Variants in IRAK2 observed in about 807,000 individuals in gnomAD.
IRAK2 encodes the protein interleukin 1 receptor associated kinase 2.
A neutral mutation model predicts 72.0 loss-of-function variants in IRAK2; 57 were observed. The ratio of observed to expected loss-of-function variants is 0.79; its 90% CI spans 0.64 to 0.99. IRAK2 has a LOEUF of 0.99. Ranked by LOEUF, IRAK2 falls within the 50% of genes least tolerant of loss-of-function variation. The probability of loss-of-function intolerance (pLI) is 0.00; values close to 1 mark genes in which losing one functional copy is unlikely to be tolerated. For synonymous variants in IRAK2, 293 were observed against 312.7 expected, an observed-to-expected ratio of 0.94 and a Z score of 0.67; for missense variants, 790 against 794.4, an observed-to-expected ratio of 0.99 and a Z score of 0.07.
chr3:10,232,978 C>G (rs755951166), intron 10 of IRAK2, among the ~76,000 whole-genome samples: 1 of 152,060 alleles, frequency 6.6e-6, no homozygotes, highest in Non-Finnish European at 1.5e-5. Flanking sequence ...GTGGGAGGAT[C>G]GATTGAATCG....
chr3:10,183,047 C>T (rs1696985755), intron 2 of IRAK2, among the ~76,000 whole-genome samples: 1 of 152,176 alleles, frequency 6.6e-6, no homozygotes, highest in Admixed American at 6.5e-5. Flanking sequence ...GCCAGGATTA[C>T]AGCCGTGAGC....
intron 3 of IRAK2, among the ~76,000 whole-genome samples, chr3:10,205,970 G>A (rs1257970519): frequency 6.6e-6 from 1 of 152,196 alleles, no homozygotes; most frequent in East Asian, 1.9e-4. Context: ...TGCAGGACGG[G>A]GGCCCTGTGC....
chr3:10,238,790 C>T lies in IRAK2; in HGVS notation c.1516C>T (p.Arg506Trp), dbSNP rs200515841. ...VAAVEERLRG[R>W]ETLLPWSGLS... is the part of the protein sequence containing the mutation. Reference sequence around the variant, plus strand: ...TGCTGTGGAAGAGCGGCTCCGAGGTCGGGAGACGTTGCTCCCTTGGAGTGG... The same window carrying T: ...TGCTGTGGAAGAGCGGCTCCGAGGTTGGGAGACGTTGCTCCCTTGGAGTGG... The change falls in exon 12 of 13, where the codon CGG (arginine) becomes TGG (tryptophan). Residue 506 changes from arginine to tryptophan, a missense_variant. Transcript: ENST00000256458. 2.0e-5 allele frequency: 33 copies of T among 1,613,898 alleles called. No individual in the cohort carries two copies. Among genetic ancestry groups the T allele is most frequent in the East Asian group, 1.6e-4 (7 of 44,866 alleles).
intron 2 of IRAK2, among the ~76,000 whole-genome samples, chr3:10,199,067 A>C (rs1288467204): frequency 6.6e-6 from 1 of 152,128 alleles, no homozygotes; most frequent in Non-Finnish European, 1.5e-5. Flanking sequence ...AAAGGCTTCA[A>C]GCAGGGAAGT....
chr3:10,172,903 ACTC>A, intron 1 of IRAK2, among the ~76,000 whole-genome samples: 1 of 149,450 alleles, frequency 6.7e-6, no homozygotes, highest in Non-Finnish European at 1.5e-5. Flanking sequence ...CTGGTCTCAA[ACTC>A]CTGACCTCGT....
At chr3:10,204,865 C>T (rs1476687808) in intron 3 of IRAK2, among the ~76,000 whole-genome samples, 1 of 152,062 alleles carries the variant, frequency 6.6e-6, no homozygotes, top group Non-Finnish European at 1.5e-5. Flanking sequence ...TTGATCTGAC[C>T]TCTGATTAGC....
intron 3 of IRAK2, among the ~76,000 whole-genome samples, chr3:10,207,485 T>C (rs1057514228): frequency 6.6e-6 from 1 of 152,202 alleles, no homozygotes; most frequent in Admixed American, 6.5e-5. Flanking sequence ...GGCCTGCTTC[T>C]GTGCGGACCA....
Position 10,213,388 on chromosome 3 carries a change from A to G in IRAK2, c.710A>G (p.Lys237Arg). The change falls in exon 5 of 13, where the codon AAG becomes AGG. Residue 237 changes from lysine (K) to arginine (R), a missense_variant. By Grantham distance (26) the Lys-to-Arg change is conservative. Coordinates refer to ENST00000256458, the MANE Select transcript of IRAK2 (RefSeq NM_001570.4). ...GHRHGKPFVF[K>R]KLRETACSSP... Reference sequence around the variant, plus strand: ...AGGCACGGGAAGCCATTCGTCTTCAAGAAGCTCAGAGAGGTGAGCACTTCT... The same window carrying G: ...AGGCACGGGAAGCCATTCGTCTTCAGGAAGCTCAGAGAGGTGAGCACTTCT... 1 of 1,614,120 alleles carries G rather than the reference A, an allele frequency of 6.2e-7. No homozygotes were observed. Among genetic ancestry groups the G allele is most frequent in the Non-Finnish European group, 8.5e-7 (1 of 1,180,016 alleles).
At chr3:10,240,884 C>T (rs1270567702) in intron 12 of IRAK2, among the ~76,000 whole-genome samples, 3 of 151,618 alleles carry the variant, frequency 2.0e-5, no homozygotes, top group Non-Finnish European at 4.4e-5. Flanking sequence ...ATGCAGTGTC[C>T]CTGTCCCTTA....
intron 9 of IRAK2, among the ~76,000 whole-genome samples, chr3:10,225,479 A>G (rs1450003896): frequency 1.3e-5 from 2 of 152,270 alleles, no homozygotes; most frequent in East Asian, 3.9e-4. Flanking sequence ...GACATATATC[A>G]TGGTTTGCCA....
chr3:10,169,015 CAA>C (rs769969774), intron 1 of IRAK2, among the ~76,000 whole-genome samples: 11 of 151,990 alleles, frequency 7.2e-5, no homozygotes, highest in Admixed American at 1.3e-4. Flanking sequence ...ATAAAGAGTA[CAA>C]AGAGAGAAAT....
chr3:10,177,585 A>G (rs901761099), intron 1 of IRAK2, among the ~76,000 whole-genome samples: 1 of 152,218 alleles, frequency 6.6e-6, no homozygotes, highest in Non-Finnish European at 1.5e-5. Context: ...GCAGCAGCCA[A>G]TGCTCAAGGC....
chr3:10,174,114 G>C (rs1417109721), intron 1 of IRAK2, among the ~76,000 whole-genome samples: 2 of 152,126 alleles, frequency 1.3e-5, no homozygotes, highest in African/African-American at 2.4e-5. Flanking sequence ...AATGCTTCGT[G>C]GGGGGAGATG....
chr3:10,214,540 CT>C lies in IRAK2; in HGVS notation c.788+1005del, dbSNP rs71055807. Among the ~76,000 whole-genome samples the C allele has an allele frequency of 5.5e-3, 777 of 140,862 alleles. 7 individuals carry two copies. The highest frequency in any genetic ancestry group is 0.049 in the South Asian group (216 of 4,396). 92.4% of individuals were successfully genotyped at this position (140,862 alleles called of 152,430 possible). On this transcript the variant is annotated intron_variant, in intron 6 of 12. Coordinates refer to ENST00000256458, the MANE Select transcript of IRAK2 (RefSeq NM_001570.4). The stretch of plus-strand genomic sequence containing the variant: ...GCCACTGTGCCCTGCCATGTGTGTG[CT>C]TTTTTTTTTTTTAATTATTTTTCAT...
At chr3:10,181,426 A>C (rs890237101) in intron 2 of IRAK2, among the ~76,000 whole-genome samples, 3 of 152,122 alleles carry the variant, frequency 2.0e-5, no homozygotes, top group Non-Finnish European at 4.4e-5. Context: ...TCAGACCAAC[A>C]TGGTGAAACC....
chr3:10,177,492 C>A (rs927418537), intron 1 of IRAK2, among the ~76,000 whole-genome samples: 2 of 152,146 alleles, frequency 1.3e-5, no homozygotes, highest in Non-Finnish European at 2.9e-5. Context: ...CCTGCCTACA[C>A]GGACCTTCCA....
chr3:10,179,460 GTCTC>G (rs377120698), intron 2 of IRAK2, among the ~76,000 whole-genome samples: 1 of 150,252 alleles, frequency 6.7e-6, no homozygotes, highest in Non-Finnish European at 1.5e-5. Context: ...TTTATATGAA[GTCTC>G]TCTCTGTTGC....
At position 10,177,924 on chromosome 3, in the gene IRAK2, C is replaced by A; in HGVS notation, c.181C>A (p.Leu61Met). ...VQGVSITREL[L>M]WWWGMRQATV... ...GGGTGTGAGCATCACGCGGGAGCTG[C>A]TGTGGTGGTGGGGCATGCGGCAGGC... Residue 61 changes from leucine (L) to methionine (M), a missense_variant, in exon 2 of 13, where the codon CTG (leucine) becomes ATG (methionine). By Grantham distance (15) the Leu-to-Met change is conservative (BLOSUM62 2). Transcript: ENST00000256458. The A allele has an allele frequency of 6.2e-7, 1 of 1,613,928 alleles. No individual in the cohort carries two copies.
chr3:10,179,345 C>A (rs1489892962), intron 2 of IRAK2, among the ~76,000 whole-genome samples: 5 of 150,950 alleles, frequency 3.3e-5, no homozygotes. Flanking sequence ...GATCTTGGCT[C>A]ACCACAACCT....
Sources: gnomAD v4.1 joint callset for allele counts (sites outside exome capture counted in the v4.1 genomes callset) on GRCh38, gnomAD v4.1.1 for gene constraint, MANE v1.5 for transcripts, NCBI Gene and HGNC (gene_info 2026-07-23, HGNC 2026-07-21) for gene names.